Variants in MID2 observed in about 807,000 individuals in gnomAD.
MID2 encodes midline 2.
MID2 carries 13 observed loss-of-function variants against 46.1 expected under a neutral mutation model. The ratio of observed to expected loss-of-function variants is 0.28; its 90% CI spans 0.18 to 0.45. MID2 has a LOEUF of 0.45. Ranked by LOEUF, MID2 falls within the 20% of genes least tolerant of loss-of-function variation. MID2 has a pLI of 1.00. For synonymous variants in MID2, 199 were observed against 212.3 expected (o/e 0.94, Z 0.55); for missense variants, 431 against 575.4 (o/e 0.75, Z 2.57).
chrX:107,871,939 G>A (rs771109755), intron 3 of MID2, among the ~76,000 whole-genome samples: 4 of 111,587 alleles, frequency 3.6e-5, no homozygotes, highest in Admixed American at 9.5e-5. Flanking sequence ...ATAGGAATGC[G>A]TGTTCTCACT....
At chrX:107,904,244 G>A (rs1324978034) in intron 4 of MID2, among the ~76,000 whole-genome samples, 179 bp downstream of exon 4, 1 of 111,786 alleles carries the variant, frequency 8.9e-6, no homozygotes, top group African/African-American at 3.3e-5. Flanking sequence ...GCCATTCTGG[G>A]GTGTTAGAAA....
chrX:107,899,719 A>G (rs1019765310), intron 3 of MID2, among the ~76,000 whole-genome samples: 20 of 109,817 alleles, frequency 1.8e-4, no homozygotes, highest in African/African-American at 6.6e-4. Flanking sequence ...GATTGACCTA[A>G]TGGTATTTTC....
chrX:107,864,446 G>A (rs1931916456), intron 3 of MID2, among the ~76,000 whole-genome samples: 1 of 111,183 alleles, frequency 9.0e-6, no homozygotes, highest in Non-Finnish European at 1.9e-5. Flanking sequence ...GTGCCATGAG[G>A]GGTGGAAATA....
At chrX:107,848,141 C>T (rs1012330335) in intron 2 of MID2, among the ~76,000 whole-genome samples, 3 of 110,979 alleles carry the variant, frequency 2.7e-5, no homozygotes, top group Non-Finnish European at 5.7e-5. Flanking sequence ...CAGTAGTGAG[C>T]TGAGCAAAGG....
At chrX:107,868,936 TTAGA>T (rs764868258) in intron 3 of MID2, among the ~76,000 whole-genome samples, 3 of 110,702 alleles carry the variant, frequency 2.7e-5, no homozygotes, top group Non-Finnish European at 3.8e-5. Flanking sequence ...TAGATATAGA[TTAGA>T]TAGAGATAAT....
chrX:107,856,483 T>C (rs1931739847), intron 3 of MID2, among the ~76,000 whole-genome samples: 1 of 112,112 alleles, frequency 8.9e-6, no homozygotes. Context: ...GTAGTGAAAA[T>C]AGCAAAGTAA....
intron 3 of MID2, among the ~76,000 whole-genome samples, chrX:107,901,475 G>A (rs1042413985): frequency 9.0e-6 from 1 of 111,726 alleles, no homozygotes; most frequent in African/African-American, 3.3e-5. Context: ...GGTAACTTGA[G>A]TAACAAAGTG....
At chrX:107,926,627 A>T in intron 9 of MID2, 44 bp from the exon 10 acceptor site, 1 of 1,130,534 alleles carries the variant, frequency 8.8e-7, no homozygotes, top group South Asian at 2.0e-5. Flanking sequence ...CAACTCAGAT[A>T]ATTCATAAAT....
chrX:107,899,467 T>C (rs1229798994), intron 3 of MID2, among the ~76,000 whole-genome samples: 1 of 110,591 alleles, frequency 9.0e-6, no homozygotes, highest in Non-Finnish European at 1.9e-5. Flanking sequence ...GTCTTTGGGC[T>C]GGGAGGTAAT....
chrX:107,919,368 G>A (rs180956107), intron 7 of MID2, among the ~76,000 whole-genome samples: 4 of 111,257 alleles, frequency 3.6e-5, no homozygotes, highest in African/African-American at 1.3e-4. Context: ...GGGAGTCAAG[G>A]TTGCAGCTTG....
intron 1 of MID2, among the ~76,000 whole-genome samples, chrX:107,837,693 T>C (rs1426785986): frequency 9.0e-6 from 1 of 110,819 alleles, no homozygotes; most frequent in Non-Finnish European, 1.9e-5. Flanking sequence ...AGCACAGGCA[T>C]TGGAATTATA....
intron 8 of MID2, among the ~76,000 whole-genome samples, chrX:107,924,785 A>G (rs1376793253): frequency 1.8e-5 from 2 of 112,158 alleles, no homozygotes; most frequent in Non-Finnish European, 3.8e-5. Context: ...TGCATAAAAG[A>G]GCATTATTTG....
At chrX:107,894,219 A>G (rs1012918751) in intron 3 of MID2, among the ~76,000 whole-genome samples, 4 of 110,584 alleles carry the variant, frequency 3.6e-5, no homozygotes, top group African/African-American at 6.6e-5. Flanking sequence ...TACCCAGCAC[A>G]TGGCTTGGTA....
chrX:107,929,073 A>G lies in MID2; in HGVS notation c.*2000A>G, dbSNP rs1333276057. Among the ~76,000 whole-genome samples the G allele has an allele frequency of 9.0e-6, 1 of 111,446 alleles. No homozygotes were observed. The highest frequency in any genetic ancestry group is 1.9e-5 in the Non-Finnish European group (1 of 52,959). The stretch of plus-strand genomic sequence containing the variant: ...TTTCCTCCTCTGTAAAATAATGTCT[A>G]CTTCACAAGGCTGTTTCAAAGGTTA... On this transcript the variant is annotated 3_prime_UTR_variant, in exon 10 of 10. Transcript: ENST00000262843.
chrX:107,924,455 A>G lies in MID2; in HGVS notation c.1548A>G (p.Ile516Met). 4 of 1,211,688 alleles carry G rather than the reference A, an allele frequency of 3.3e-6. No individual in the cohort carries two copies. Among genetic ancestry groups the G allele is most frequent in the Non-Finnish European group, 4.5e-6 (4 of 895,334 alleles). ...GCTACATCTTCATCGTTAAAGCCAT[A>G]AACCAAGCCGGCAGCCGGAACAGTG... ...GTRYIFIVKA[I>M]NQAGSRNSEP... The change falls in exon 8 of 10, where the codon ATA becomes ATG. Residue 516 changes from isoleucine to methionine, a missense_variant. Transcript: ENST00000262843.
intron 7 of MID2, among the ~76,000 whole-genome samples, chrX:107,922,917 T>C (rs1452867144): frequency 8.9e-6 from 1 of 111,840 alleles, no homozygotes; most frequent in African/African-American, 3.2e-5. Context: ...AAATCTTATG[T>C]GCAGCTTGTG....
At chrX:107,826,769 T>C (rs1184860757) in intron 1 of MID2, among the ~76,000 whole-genome samples, 2 of 113,111 alleles carry the variant, frequency 1.8e-5, no homozygotes. Context: ...CCCCGGCGCC[T>C]GGGCGCGAGT....
intron 3 of MID2, among the ~76,000 whole-genome samples, chrX:107,890,137 C>A (rs1282976039): frequency 8.9e-6 from 1 of 112,478 alleles, no homozygotes; most frequent in Non-Finnish European, 1.9e-5. Flanking sequence ...CTTTCTCCAT[C>A]CAGCTTTGTT....
intron 7 of MID2, among the ~76,000 whole-genome samples, chrX:107,921,015 C>T (rs760421495): frequency 1.8e-5 from 2 of 111,562 alleles, no homozygotes; most frequent in Non-Finnish European, 3.8e-5. Context: ...TTTATCTAAC[C>T]ACCATTTATA....
Sources: gnomAD v4.1 joint callset for allele counts (sites outside exome capture counted in the v4.1 genomes callset) on GRCh38, gnomAD v4.1.1 for gene constraint, MANE v1.5 for transcripts, NCBI Gene and HGNC (gene_info 2026-07-23, HGNC 2026-07-21) for gene names.